GPR149: variants seen among roughly 807,000 people sequenced by gnomAD.
GPR149 encodes the protein G protein-coupled receptor 149, also known as probable G protein-coupled receptor 149.
GPR149 carries 50 observed loss-of-function variants against 50.2 expected under a neutral mutation model. That is an observed-to-expected ratio of 1.00 (90% confidence interval 0.79 to 1.26). The LOEUF (loss-of-function observed/expected upper bound fraction) is 1.26. Among genes scored for constraint, GPR149 ranks in the 50% most tolerant of loss-of-function variants. The pLI, the probability that GPR149 is intolerant of heterozygous loss-of-function variation, is 0.00. For synonymous variants in GPR149, 405 were observed against 358.2 expected (o/e 1.13, Z -1.48); for missense variants, 983 against 895.4 (o/e 1.10, Z -1.25).
intron 3 of GPR149, among the ~76,000 whole-genome samples, chr3:154,355,027 A>G (rs1013256479): frequency 2.0e-5 from 3 of 151,970 alleles, no homozygotes; most frequent in Non-Finnish European, 2.9e-5. Context: ...TTAAGTTACT[A>G]TATTTATTTA....
At chr3:154,354,729 C>A (rs971425153) in intron 3 of GPR149, 4 of 649,624 alleles carry the variant, frequency 6.2e-6, no homozygotes, top group Admixed American at 3.3e-5. Context: ...GCCTGTCCTT[C>A]TTCTGGCTCT....
In GPR149 at chr3:154,396,494, G is replaced by A. The variant is rs141113864; in HGVS notation, c.1623+24545C>T. Among the ~76,000 whole-genome samples, 138 of 152,126 alleles carry A rather than the reference G, an allele frequency of 9.1e-4. 1 individual carries two copies. The highest frequency in any genetic ancestry group is 3.3e-3 in the African/African-American group (135 of 41,532). Reference sequence around the variant, plus strand: ...GTCTCCACAAATCTAAATTTGTTGTGACTTAGTATGAGGGCATTGGTAGGG... The same window carrying A: ...GTCTCCACAAATCTAAATTTGTTGTAACTTAGTATGAGGGCATTGGTAGGG... On this transcript the variant is annotated intron_variant, in intron 3 of 3. Coordinates refer to ENST00000389740, the MANE Select transcript of GPR149 (RefSeq NM_001038705.3).
At position 154,402,986 on chromosome 3, in the gene GPR149, G is replaced by A. The variant is rs116476527; in HGVS notation, c.1623+18053C>T. Reference sequence around the variant, plus strand: ...GAACAAGAGGGAGGAAAAACATATTGATTGCAAGGGCAACTAAGTAAATTA... The same window carrying A: ...GAACAAGAGGGAGGAAAAACATATTAATTGCAAGGGCAACTAAGTAAATTA... On this transcript the variant is annotated intron_variant, in intron 3 of 3. Coordinates refer to ENST00000389740, the MANE Select transcript of GPR149 (RefSeq NM_001038705.3). Among the ~76,000 whole-genome samples the A allele has an allele frequency of 4.7e-3, 720 of 152,302 alleles. 1 individual carries two copies. Among genetic ancestry groups the A allele is most frequent in the Middle Eastern group, 0.014 (4 of 294 alleles).
intron 3 of GPR149, among the ~76,000 whole-genome samples, chr3:154,388,918 T>C (rs1239702380): frequency 6.7e-6 from 1 of 150,016 alleles, no homozygotes; most frequent in East Asian, 2.0e-4. Flanking sequence ...AACCACTTCA[T>C]CTTGCATAAA....
intron 3 of GPR149, among the ~76,000 whole-genome samples, chr3:154,411,821 A>G (rs112142558): frequency 6.6e-6 from 1 of 152,186 alleles, no homozygotes; most frequent in Non-Finnish European, 1.5e-5. Flanking sequence ...AAGATAGAGA[A>G]AGAGAGAGTT....
chr3:154,407,130 A>G (rs1421526103), intron 3 of GPR149, among the ~76,000 whole-genome samples: 1 of 152,200 alleles, frequency 6.6e-6, no homozygotes, highest in East Asian at 1.9e-4. Context: ...CCCTCCCATA[A>G]CACATGGGAA....
intron 3 of GPR149, among the ~76,000 whole-genome samples, chr3:154,374,373 A>G (rs544329184): frequency 6.6e-6 from 1 of 151,830 alleles, no homozygotes; most frequent in East Asian, 1.9e-4. Context: ...GGGGTTCGCC[A>G]TGTTGGCCAG....
intron 3 of GPR149, among the ~76,000 whole-genome samples, chr3:154,356,859 G>A (rs1213558056): frequency 2.0e-5 from 3 of 151,912 alleles, no homozygotes; most frequent in Non-Finnish European, 4.4e-5. Context: ...ACCAAAAAAG[G>A]GCCCGCATCG....
Position 154,429,030 on chromosome 3 carries a change from T to C in GPR149, c.586A>G (p.Ile196Val), listed in dbSNP as rs747484911. ...CSSSYVLFLS[I>V]VYALAFGLLV... ...AGTCCGAAGGCCAAAGCGTACACGA[T>C]AGAGAGGAATAGTACGTAGGAGCTG... Residue 196 changes from isoleucine (I) to valine (V), a missense_variant, in exon 1 of 4, where the codon ATC (isoleucine) becomes GTC (valine). Transcript: ENST00000389740. The C allele has an allele frequency of 1.2e-6, 2 of 1,613,602 alleles. No individual in the cohort carries two copies. The highest frequency in any genetic ancestry group is 1.7e-6 in the Non-Finnish European group (2 of 1,179,952).
intron 3 of GPR149, among the ~76,000 whole-genome samples, chr3:154,349,099 G>A (rs1397153512): frequency 6.6e-6 from 1 of 152,010 alleles, no homozygotes; most frequent in Non-Finnish European, 1.5e-5. Flanking sequence ...TATTGAAATT[G>A]GTGCTAGGGA....
intron 3 of GPR149, among the ~76,000 whole-genome samples, chr3:154,387,769 C>T (rs986332514): frequency 7.2e-5 from 11 of 151,998 alleles, no homozygotes; most frequent in Admixed American, 2.0e-4. Context: ...AAGCAAGCTC[C>T]GGGCACTCTC....
At chr3:154,370,172 C>G (rs1482235713) in intron 3 of GPR149, among the ~76,000 whole-genome samples, 1 of 152,198 alleles carries the variant, frequency 6.6e-6, no homozygotes, top group Non-Finnish European at 1.5e-5. Context: ...ACTCCATATT[C>G]TGTAGAAGGT....
intron 3 of GPR149, among the ~76,000 whole-genome samples, chr3:154,395,389 T>TAC (rs397802648): frequency 6.7e-6 from 1 of 149,212 alleles, no homozygotes; most frequent in Non-Finnish European, 1.5e-5. Flanking sequence ...TATATATATA[T>TAC]CTAAATGTAA....
chr3:154,343,340 T>A (rs1331440765), intron 3 of GPR149, among the ~76,000 whole-genome samples: 1 of 152,180 alleles, frequency 6.6e-6, no homozygotes, highest in Non-Finnish European at 1.5e-5. Flanking sequence ...TCGGTATTTC[T>A]ATATTTCTAA....
intron 3 of GPR149, among the ~76,000 whole-genome samples, chr3:154,347,807 C>T (rs930607173): frequency 6.6e-6 from 1 of 151,962 alleles, no homozygotes; most frequent in African/African-American, 2.4e-5. Context: ...GAAGGGAGCA[C>T]CAATAGAAGG....
chr3:154,375,082 G>A (rs1258745928), intron 3 of GPR149, among the ~76,000 whole-genome samples: 1 of 152,142 alleles, frequency 6.6e-6, no homozygotes, highest in Non-Finnish European at 1.5e-5. Flanking sequence ...GTTTACCCAA[G>A]AGCCACTTTT....
In GPR149 at chr3:154,429,042, G is replaced by A; in HGVS notation, c.574C>T (p.Leu192=). 6.2e-7 allele frequency: 1 copy of A among 1,614,004 alleles called. No individual in the cohort carries two copies. The highest frequency in any genetic ancestry group is 8.5e-7 in the Non-Finnish European group (1 of 1,180,014). ...CLVDCSSSYV[L]FLSIVYALAF... ...AAAGCGTACACGATAGAGAGGAATA[G>A]TACGTAGGAGCTGGAGCAGTCCACC... Residue 192 remains leucine (L), a synonymous_variant, in exon 1 of 4, where the codon CTA becomes TTA. Coordinates refer to ENST00000389740, the MANE Select transcript of GPR149 (RefSeq NM_001038705.3).
intron 3 of GPR149, among the ~76,000 whole-genome samples, chr3:154,381,891 T>C (rs544460515): frequency 1.3e-5 from 2 of 152,296 alleles, no homozygotes; most frequent in South Asian, 4.1e-4. Context: ...TTTGTCTTTA[T>C]AAGGAAGTAA....
intron 3 of GPR149, among the ~76,000 whole-genome samples, chr3:154,404,346 T>C (rs921735422): frequency 1.3e-5 from 2 of 152,206 alleles, no homozygotes; most frequent in Non-Finnish European, 2.9e-5. Flanking sequence ...CCACATACTA[T>C]TGGGTTGTCT....
Sources: gnomAD v4.1 joint callset for allele counts (sites outside exome capture counted in the v4.1 genomes callset) on GRCh38, gnomAD v4.1.1 for gene constraint, MANE v1.5 for transcripts, NCBI Gene and HGNC (gene_info 2026-07-23, HGNC 2026-07-21) for gene names.